The following SOX5 variants were observed in gnomAD, a reference collection of about 807,000 sequenced individuals.
SOX5 encodes SRY-box transcription factor 5.
In SOX5, 9 loss-of-function variants were observed where a neutral mutation model predicts 92.0. The observed-to-expected ratio is 0.10, with a 90% confidence interval of 0.06 to 0.17. SOX5 has a LOEUF of 0.17. Ranked by LOEUF, SOX5 falls within the 10% of genes least tolerant of loss-of-function variation. The probability of loss-of-function intolerance (pLI) is 1.00; values close to 1 mark genes in which losing one functional copy is unlikely to be tolerated. For missense variants in SOX5, 642 were observed against 944.5 expected (o/e 0.68, Z 4.20); for synonymous variants, 344 against 336.3 (o/e 1.02, Z -0.25).
At chr12:24,561,585 G>A (rs1298126258) in intron 1 of SOX5, among the ~76,000 whole-genome samples, 2 of 152,150 alleles carry the variant, frequency 1.3e-5, no homozygotes, top group Non-Finnish European at 1.5e-5. Context: ...CGCTTAAAGT[G>A]ACACAACACG....
chr12:23,814,526 T>G (rs1234087706), intron 3 of SOX5, among the ~76,000 whole-genome samples: 1 of 152,198 alleles, frequency 6.6e-6, no homozygotes, highest in Non-Finnish European at 1.5e-5. Flanking sequence ...TTCATAAAAG[T>G]TGACAGATCT....
intron 9 of SOX5, 84 bp from the exon 10 acceptor site, chr12:23,575,922 T>C (rs529057197): frequency 1.5e-4 from 149 of 1,013,396 alleles, no homozygotes; most frequent in Admixed American, 3.2e-4. Flanking sequence ...CAGCCTGTCA[T>C]TTCCCATCAA....
intron 8 of SOX5, among the ~76,000 whole-genome samples, chr12:23,617,784 G>GA (rs113312800): frequency 0.13 from 19,218 of 147,848 alleles, 1,718 homozygotes; most frequent in African/African-American, 0.26. Flanking sequence ...TAAACAGCTA[G>GA]AAAAAAAAAA....
At chr12:23,685,722 T>C (rs2087437034) in intron 6 of SOX5, among the ~76,000 whole-genome samples, 1 of 151,288 alleles carries the variant, frequency 6.6e-6, no homozygotes, top group Non-Finnish European at 1.5e-5. Flanking sequence ...TCCTTCTCAA[T>C]ACCATGATCC....
chr12:23,611,394 G>GTGTGTGTA lies in SOX5; in HGVS notation c.1018-6862_1018-6861insTACACACA, dbSNP rs557191910. Among the ~76,000 whole-genome samples, 6 of 148,450 alleles carry GTGTGTGTA rather than the reference G, an allele frequency of 4.0e-5. No individual in the cohort carries two copies. The East Asian group carries it at 6.0e-4, about 15-fold the overall frequency. On this transcript the variant is annotated intron_variant, in intron 8 of 14. Transcript: ENST00000451604. ...CGTGTGTGTGTGTGTGTGTGTGTGT[G>GTGTGTGTA]TATTTATACATATATCTCACATTTT...
chr12:24,228,864 C>CT (rs1962705795), intron 3 of SOX5, among the ~76,000 whole-genome samples: 2 of 152,184 alleles, frequency 1.3e-5, no homozygotes, highest in East Asian at 3.9e-4. Flanking sequence ...TATTTGGTGC[C>CT]TCTCACCCCT....
chr12:23,535,622 T>C (rs1024951765), intron 14 of SOX5, among the ~76,000 whole-genome samples: 4 of 152,214 alleles, frequency 2.6e-5, no homozygotes, highest in Non-Finnish European at 5.9e-5. Flanking sequence ...GTGTTTAGCT[T>C]TGTGAGGAGT....
At chr12:23,894,244 T>A (rs539784342) in intron 2 of SOX5, among the ~76,000 whole-genome samples, 8 of 147,810 alleles carry the variant, frequency 5.4e-5, no homozygotes, top group East Asian at 1.9e-4. Context: ...TATTATTATT[T>A]TTGAGATGGA....
chr12:24,089,646 CA>C (rs1446182599), intron 4 of SOX5, among the ~76,000 whole-genome samples: 2 of 151,978 alleles, frequency 1.3e-5, no homozygotes, highest in Non-Finnish European at 2.9e-5. Flanking sequence ...AGGTGATAAC[CA>C]AACAGCATAT....
At chr12:24,093,390 G>A (rs1003828777) in intron 4 of SOX5, among the ~76,000 whole-genome samples, 1 of 151,976 alleles carries the variant, frequency 6.6e-6, no homozygotes, top group Non-Finnish European at 1.5e-5. Flanking sequence ...AGGCGTGGTG[G>A]CGGGCGCCTG....
intron 4 of SOX5, among the ~76,000 whole-genome samples, chr12:24,066,426 G>A (rs949542996): frequency 6.6e-5 from 10 of 152,268 alleles, no homozygotes; most frequent in African/African-American, 2.4e-4. Context: ...TAAAATAGCT[G>A]TACATGATAG....
At chr12:24,406,303 G>A (rs375355004) in intron 1 of SOX5, among the ~76,000 whole-genome samples, 4 of 152,134 alleles carry the variant, frequency 2.6e-5, no homozygotes, top group African/African-American at 7.2e-5. Context: ...GAGAAGCCCT[G>A]CCCAAGTCAG....
At chr12:24,385,707 G>A (rs775244195) in intron 1 of SOX5, among the ~76,000 whole-genome samples, 29 of 152,012 alleles carry the variant, frequency 1.9e-4, no homozygotes, top group Non-Finnish European at 7.4e-5. Context: ...CTAGGCTGAG[G>A]TAGGAAGATC....
intron 4 of SOX5, among the ~76,000 whole-genome samples, chr12:24,097,663 T>C (rs970357268): frequency 7.2e-5 from 11 of 152,088 alleles, no homozygotes; most frequent in Admixed American, 7.2e-4. Context: ...CAGGAATGAA[T>C]TAATTAGCTT....
intron 1 of SOX5, among the ~76,000 whole-genome samples, chr12:24,435,557 T>C (rs1052721852): frequency 2.0e-5 from 3 of 152,172 alleles, no homozygotes; most frequent in Admixed American, 6.5e-5. Flanking sequence ...TCTAGCACAA[T>C]GTCCTGCACA....
At chr12:23,736,816 G>A (rs1361653692) in intron 5 of SOX5, among the ~76,000 whole-genome samples, 1 of 150,894 alleles carries the variant, frequency 6.6e-6, no homozygotes, top group Non-Finnish European at 1.5e-5. Flanking sequence ...TCAGCCTCCC[G>A]AGTAGCTGAG....
chr12:24,547,509 A>G (rs1392307676), intron 1 of SOX5, among the ~76,000 whole-genome samples: 1 of 152,198 alleles, frequency 6.6e-6, no homozygotes, highest in African/African-American at 2.4e-5. Context: ...ATTTTTTTAA[A>G]CAAGGAAAAC....
At chr12:23,597,651 G>A (rs1232293223) in intron 9 of SOX5, among the ~76,000 whole-genome samples, 4 of 152,142 alleles carry the variant, frequency 2.6e-5, no homozygotes, top group Non-Finnish European at 1.5e-5. Flanking sequence ...AATGATAATG[G>A]GCTGCATTTG....
chr12:24,092,126 C>T (rs1944729272), intron 4 of SOX5, among the ~76,000 whole-genome samples: 1 of 152,150 alleles, frequency 6.6e-6, no homozygotes, highest in Admixed American at 6.5e-5. Flanking sequence ...GCCCATTTGA[C>T]CTCAAGAACA....
Sources: allele counts gnomAD v4.1 joint callset (sites outside exome capture counted in the v4.1 genomes callset), GRCh38; gene constraint gnomAD v4.1.1; transcripts MANE v1.5; gene names NCBI Gene and HGNC (gene_info 2026-07-23, HGNC 2026-07-21).